Variants in CACNG8 observed in about 807,000 individuals in gnomAD.
CACNG8 encodes the protein calcium voltage-gated channel auxiliary subunit gamma 8.
Under a neutral mutation model 26.9 loss-of-function variants are expected in CACNG8, and 5 were observed. The ratio of observed to expected loss-of-function variants is 0.19; its 90% confidence interval spans 0.10 to 0.39. The LOEUF is 0.39. Ranked by LOEUF, CACNG8 falls within the 10% of genes least tolerant of loss-of-function variation. The pLI, the probability that CACNG8 is intolerant of heterozygous loss-of-function variation, is 1.00. For synonymous variants in CACNG8, 321 were observed against 296.7 expected, an observed-to-expected ratio of 1.08 and a Z score of -0.84; for missense variants, 473 against 609.4, an observed-to-expected ratio of 0.78 and a Z score of 2.36.
chr19:53,976,437 C>T (rs899260164), intron 1 of CACNG8, among the ~76,000 whole-genome samples: 49 of 152,324 alleles, frequency 3.2e-4, no homozygotes, highest in Non-Finnish European at 4.4e-4. Flanking sequence ...TTTCATAGGA[C>T]TCTTGGGAGC....
chr19:53,967,135 G>A (rs968611067), intron 1 of CACNG8, among the ~76,000 whole-genome samples: 7 of 152,082 alleles, frequency 4.6e-5, no homozygotes, highest in African/African-American at 1.4e-4. Flanking sequence ...CTTCCCAGTC[G>A]TGACAACCAA....
intron 1 of CACNG8, among the ~76,000 whole-genome samples, chr19:53,968,512 GTAAT>G (rs1490973662): frequency 1.3e-5 from 2 of 151,524 alleles, no homozygotes; most frequent in African/African-American, 4.8e-5. Context: ...GCTCACGCCT[GTAAT>G]TCCAGCACTT....
chr19:53,984,479 C>T lies in CACNG8; in HGVS notation c.*1630C>T, dbSNP rs1304427606. 6.6e-6 allele frequency: 1 copy of T among 152,276 alleles called. No homozygotes were observed. Among genetic ancestry groups the T allele is most frequent in the African/African-American group, 2.4e-5 (1 of 41,436 alleles). The allele number at this position is 152,276 out of a possible 1,614,324, so 9.4% of individuals were successfully genotyped here. ...GGGTCTTGAAGAAATGAGTGGGCAT[C>T]TTCTGGTTGATGAAAGGCATGAGAA... On this transcript the variant is annotated 3_prime_UTR_variant, in exon 4 of 4. Coordinates refer to ENST00000270458, the MANE Select transcript of CACNG8 (RefSeq NM_031895.6).
In CACNG8 at chr19:53,988,797, A is replaced by C. The variant is rs2069422780; in HGVS notation, c.*5948A>C. The C allele has an allele frequency of 6.6e-6, 1 of 152,260 alleles. No individual in the cohort carries two copies. The highest frequency in any genetic ancestry group is 2.4e-5 in the African/African-American group (1 of 41,432). The allele number at this position is 152,260 out of a possible 1,614,324, so 9.4% of individuals were successfully genotyped here. A position where few individuals can be genotyped will look rare whatever the true frequency, so the allele number is the denominator to read the frequency against. Reference sequence around the variant, plus strand: ...CAGGGAAGAGAGGATGCTGTCAGCTAGGCTCTGGCAGATCCCCTAGCCAGG... The same window carrying C: ...CAGGGAAGAGAGGATGCTGTCAGCTCGGCTCTGGCAGATCCCCTAGCCAGG... On this transcript the variant is annotated 3_prime_UTR_variant, in exon 4 of 4. Coordinates refer to ENST00000270458, the MANE Select transcript of CACNG8 (RefSeq NM_031895.6).
At position 53,982,519 on chromosome 19, in the gene CACNG8, C is replaced by G; in HGVS notation, c.948C>G (p.Gly316=). Residue 316 remains glycine, a synonymous_variant, in exon 4 of 4, where the codon GGC becomes GGG. Coordinates refer to ENST00000270458, the MANE Select transcript of CACNG8 (RefSeq NM_031895.6). The surrounding 1 kb of genome is among the most constrained non-coding windows in gnomAD (Gnocchi z 8.4). The stretch of plus-strand genomic sequence containing the variant: ...CGCTCAGCCGCGACCCCTCCAAGGG[C>G]AGCGTGGCCGCGGGGCTGGCGGGGG... 1 of 1,366,338 alleles carries G rather than the reference C, an allele frequency of 7.3e-7. No individual in the cohort carries two copies. The highest frequency in any genetic ancestry group is 1.5e-5 in the African/African-American group (1 of 65,084). The allele number at this position is 1,366,338 out of a possible 1,614,324, so 84.6% of individuals were successfully genotyped here.
Position 53,982,052 on chromosome 19 carries a change from A to G in CACNG8, c.509-28A>G. 1 of 1,521,072 alleles carries G rather than the reference A, an allele frequency of 6.6e-7. No homozygotes were observed. The highest frequency in any genetic ancestry group is 8.8e-7 in the Non-Finnish European group (1 of 1,137,044). The allele number at this position is 1,521,072 out of a possible 1,614,324, so 94.2% of individuals were successfully genotyped here. A position where few individuals can be genotyped will look rare whatever the true frequency, so the allele number is the denominator to read the frequency against. Reference sequence around the variant, plus strand: ...GGGGGCGGGGCCGGGGGTGGCCTCGAGGCTCCCGTCTGACCGTCCCCGCCC... The same window carrying G: ...GGGGGCGGGGCCGGGGGTGGCCTCGGGGCTCCCGTCTGACCGTCCCCGCCC... On this transcript the variant is annotated intron_variant, in intron 3 of 3. Coordinates refer to ENST00000270458, the MANE Select transcript of CACNG8 (RefSeq NM_031895.6). The surrounding 1 kb of genome is among the most constrained non-coding windows in gnomAD (Gnocchi z 8.4).
At position 53,978,185 on chromosome 19, in the gene CACNG8, C is replaced by T; in HGVS notation, c.323C>T (p.Pro108Leu). 6.2e-7 allele frequency: 1 copy of T among 1,613,238 alleles called. No homozygotes were observed. ...GTCTGCGTGAAGATCAATCATTTCC[C>T]GGAGGACACGGACTACGACCACGAC... is the stretch of plus-strand genomic sequence containing the variant. The change falls in exon 2 of 4, where the codon CCG becomes CTG. Residue 108 changes from proline to leucine, a missense_variant. Transcript: ENST00000270458.
intron 1 of CACNG8, among the ~76,000 whole-genome samples, chr19:53,977,552 C>T (rs1483650151): frequency 1.3e-5 from 2 of 152,086 alleles, no homozygotes; most frequent in African/African-American, 4.8e-5. Context: ...CAGAAGGTTC[C>T]AGGTTCCCTG....
Position 53,963,369 on chromosome 19 carries a change from A to G in CACNG8, c.227A>G (p.Lys76Arg), listed in dbSNP as rs2069254203. The G allele has an allele frequency of 6.3e-7, 1 of 1,588,160 alleles. No individual in the cohort carries two copies. Among genetic ancestry groups the G allele is most frequent in the Non-Finnish European group, 8.5e-7 (1 of 1,173,922 alleles). Residue 76 changes from lysine (K) to arginine (R), a missense_variant, in exon 1 of 4, where the codon AAG (lysine) becomes AGG (arginine). By Grantham distance (26) the Lys-to-Arg change is conservative (BLOSUM62 2). Coordinates refer to ENST00000270458, the MANE Select transcript of CACNG8 (RefSeq NM_031895.6). ...CGCGGGGGCGGCGGCGCCTCGGAGAAGAAGGACCCCGGCGGCCTCACGCAC... is the reference window on the plus strand; with the variant it reads ...CGCGGGGGCGGCGGCGCCTCGGAGAGGAAGGACCCCGGCGGCCTCACGCAC...
rs1369394426 is a variant in CACNG8 at position 53,978,239 on chromosome 19, G to T, written c.367+10G>T. 1 of 1,608,948 alleles carries T rather than the reference G, an allele frequency of 6.2e-7. No individual in the cohort carries two copies. Among genetic ancestry groups the T allele is most frequent in the African/African-American group, 1.3e-5 (1 of 74,858 alleles). On this transcript the variant is annotated intron_variant, in intron 2 of 3. Transcript: ENST00000270458. ...GCGGAGTATCTACTCCGTACGTGGG[G>T]GTCCGGGACAGACGTGGGGAGTGGG...
Position 53,988,933 on chromosome 19 carries a change from T to C in CACNG8, c.*6084T>C, listed in dbSNP as rs570597403. Reference sequence around the variant, plus strand: ...TGAGGTGAAGGGGAAGAACACGTTTTCATCATTCATTTTCAGAAATAAACA... The same window carrying C: ...TGAGGTGAAGGGGAAGAACACGTTTCCATCATTCATTTTCAGAAATAAACA... On this transcript the variant is annotated 3_prime_UTR_variant, in exon 4 of 4. Coordinates refer to ENST00000270458, the MANE Select transcript of CACNG8 (RefSeq NM_031895.6). 1 of 152,242 alleles carries C rather than the reference T, an allele frequency of 6.6e-6. No homozygotes were observed. Among genetic ancestry groups the C allele is most frequent in the Non-Finnish European group, 1.5e-5 (1 of 68,066 alleles). The allele number at this position is 152,242 out of a possible 1,614,324, so 9.4% of individuals were successfully genotyped here. A position where few individuals can be genotyped will look rare whatever the true frequency, so the allele number is the denominator to read the frequency against.
Position 53,979,761 on chromosome 19 carries a change from G to T in CACNG8, c.368-106G>T. ...ACACAGCCGGAGAGAGAGAATCACAGAACTGTCGGGAGGCGCCGCGAGATG... is the reference window on the plus strand; with the variant it reads ...ACACAGCCGGAGAGAGAGAATCACATAACTGTCGGGAGGCGCCGCGAGATG... On this transcript the variant is annotated intron_variant, in intron 2 of 3. Transcript: ENST00000270458. 3 of 1,200,102 alleles carry T rather than the reference G, an allele frequency of 2.5e-6. No individual in the cohort carries two copies. The South Asian group carries it at 4.8e-5, about 19-fold the overall frequency. 74.3% of individuals were successfully genotyped at this position (1,200,102 alleles called of 1,614,324 possible). A position where few individuals can be genotyped will look rare whatever the true frequency, so the allele number is the denominator to read the frequency against.
intron 1 of CACNG8, among the ~76,000 whole-genome samples, chr19:53,969,230 C>G (rs117181224): frequency 0.021 from 3,123 of 152,034 alleles, 53 homozygotes; most frequent in Non-Finnish European, 0.032. Flanking sequence ...TCTCAAACTC[C>G]GGCCTCAGGT....
intron 1 of CACNG8, among the ~76,000 whole-genome samples, chr19:53,973,707 A>G (rs886496389): frequency 1.3e-5 from 2 of 151,694 alleles, no homozygotes; most frequent in African/African-American, 4.8e-5. Context: ...CACGCCTGTA[A>G]TCCCAGCTAC....
At chr19:53,966,173 G>GCTT (rs1833899473) in intron 1 of CACNG8, among the ~76,000 whole-genome samples, 1 of 151,858 alleles carries the variant, frequency 6.6e-6, no homozygotes, top group Non-Finnish European at 1.5e-5. Context: ...CTGCAACTTC[G>GCTT]GCCTCCTGGG....
intron 1 of CACNG8, among the ~76,000 whole-genome samples, chr19:53,964,224 C>G (rs547269678): frequency 1.3e-5 from 2 of 151,658 alleles, no homozygotes; most frequent in African/African-American, 4.8e-5. Context: ...CCCCAGTCCT[C>G]TGAAGTCCCC....
chr19:53,979,619 A>G (rs544793366), intron 2 of CACNG8, among the ~76,000 whole-genome samples: 1 of 152,318 alleles, frequency 6.6e-6, no homozygotes, highest in East Asian at 1.9e-4. Context: ...AGAGAGAGAA[A>G]AATAGTCCGA....
rs148594961 is a variant in CACNG8 at position 53,969,008 on chromosome 19, T to C, written c.283+5583T>C. On this transcript the variant is annotated intron_variant, in intron 1 of 3. Transcript: ENST00000270458. ...TAGGTACTTTATTTATTTATTTTTA[T>C]TAATTTTGTTTTCGAGACAGATTCT... 1.5e-3 allele frequency among the ~76,000 whole-genome samples: 231 copies of C among 152,150 alleles called. 1 individual carries two copies. Among genetic ancestry groups the C allele is most frequent in the East Asian group, 0.012 (63 of 5,176 alleles).
At chr19:53,971,178 G>C (rs1483184653) in intron 1 of CACNG8, among the ~76,000 whole-genome samples, 1 of 150,990 alleles carries the variant, frequency 6.6e-6, no homozygotes, top group Admixed American at 6.6e-5. Flanking sequence ...TGTAATTCCA[G>C]CTACTCGGGA....
Sources: allele counts gnomAD v4.1 joint callset (sites outside exome capture counted in the v4.1 genomes callset), GRCh38; gene constraint gnomAD v4.1.1; non-coding constraint Gnocchi (gnomAD v3.1); transcripts MANE v1.5; gene names NCBI Gene and HGNC (gene_info 2026-07-23, HGNC 2026-07-21).